ATP12A: variants seen among roughly 807,000 people sequenced by gnomAD.
ATP12A encodes the protein ATPase H+/K+ transporting non-gastric alpha2 subunit, also known as potassium-transporting ATPase alpha chain 2.
ATP12A carries 81 observed loss-of-function variants against 111.2 expected under a neutral mutation model. That is an observed-to-expected ratio of 0.73 (90% confidence interval 0.61 to 0.88). The LOEUF is 0.88. ATP12A is among the 40% of genes least tolerant of loss of function. The probability of loss-of-function intolerance (pLI) is 0.00; values close to 1 mark genes in which losing one functional copy is unlikely to be tolerated. For missense variants in ATP12A, 1,196 were observed against 1,313.1 expected, an observed-to-expected ratio of 0.91 and a Z score of 1.38; for synonymous variants, 498 against 499.8, an observed-to-expected ratio of 1.00 and a Z score of 0.05.
intron 19 of ATP12A, 101 bp downstream of exon 19, chr13:24,709,929 G>T: frequency 6.6e-7 from 1 of 1,522,770 alleles, no homozygotes. Flanking sequence ...AACAGCCTGG[G>T]AAAGCTTCAA....
chr13:24,711,340 G>T lies in ATP12A; in HGVS notation c.3022G>T (p.Val1008Leu), dbSNP rs1405550429. The change falls in exon 22 of 23, where the codon GTG becomes TTG. Residue 1008 changes from valine to leucine, a missense_variant. By Grantham distance (32) the Val-to-Leu change is conservative. Coordinates refer to ENST00000381946, the MANE Select transcript of ATP12A (RefSeq NM_001676.7). ...MLRAQYWFVA[V>L]PHAILIWVYD... Reference sequence around the variant, plus strand: ...CAGGGCTCAGTACTGGTTTGTGGCTGTGCCGCACGCCATCCTGATCTGGGT... The same window carrying T: ...CAGGGCTCAGTACTGGTTTGTGGCTTTGCCGCACGCCATCCTGATCTGGGT... 1.2e-6 allele frequency: 2 copies of T among 1,604,912 alleles called. No homozygotes were observed. Among genetic ancestry groups the T allele is most frequent in the East Asian group, 2.2e-5 (1 of 44,794 alleles).
In ATP12A at chr13:24,711,339, T is replaced by C; in HGVS notation, c.3021T>C (p.Ala1007=). 1 of 1,604,672 alleles carries C rather than the reference T, an allele frequency of 6.2e-7. No homozygotes were observed. The highest frequency in any genetic ancestry group is 8.5e-7 in the Non-Finnish European group (1 of 1,175,122). Residue 1007 remains alanine (A), a synonymous_variant, in exon 22 of 23, where the codon GCT becomes GCC. Transcript: ENST00000381946. The part of the protein sequence containing the change: ...TMLRAQYWFV[A]VPHAILIWVY... ...CCAGGGCTCAGTACTGGTTTGTGGC[T>C]GTGCCGCACGCCATCCTGATCTGGG...
At chr13:24,711,261 G>C in intron 21 of ATP12A, 57 bp from the exon 22 acceptor site, 1 of 1,495,158 alleles carries the variant, frequency 6.7e-7, no homozygotes, top group Non-Finnish European at 9.1e-7. Context: ...CCATTGGGCA[G>C]GGTTGGGCTA....
chr13:24,693,408 G>A (rs760402402), intron 10 of ATP12A, among the ~76,000 whole-genome samples: 5 of 151,648 alleles, frequency 3.3e-5, no homozygotes, highest in Non-Finnish European at 5.9e-5. Flanking sequence ...CTGTTCTCCT[G>A]GCTTTTCTAT....
intron 5 of ATP12A, 129 bp from the exon 6 acceptor site, chr13:24,690,209 A>C: frequency 1.4e-6 from 2 of 1,410,384 alleles, no homozygotes; most frequent in Non-Finnish European, 9.6e-7. Flanking sequence ...GCATAACAGC[A>C]TGGACTCAAC....
At chr13:24,689,513 T>C (rs1165659887) in intron 5 of ATP12A, 138 bp downstream of exon 5, 2 of 714,894 alleles carry the variant, frequency 2.8e-6, no homozygotes, top group East Asian at 5.2e-5. Flanking sequence ...AATTAACCCA[T>C]CTGTCAGAAC....
At position 24,709,695 on chromosome 13, in the gene ATP12A, C is replaced by T; in HGVS notation, c.2630C>T (p.Ala877Val). 6.2e-7 allele frequency: 1 copy of T among 1,614,192 alleles called. No homozygotes were observed. The highest frequency in any genetic ancestry group is 1.3e-5 in the African/African-American group (1 of 75,048). The change falls in exon 19 of 23, where the codon GCC becomes GTC. Residue 877 changes from alanine to valine, a missense_variant. Ala to Val is a moderately conservative substitution (Grantham distance 64). Transcript: ENST00000381946. ...YSYLHIGLMQ[A>V]LGAFLVYFTV... ...CTTGTTCTTTCAGGCCTCATGCAAG[C>T]CCTGGGAGCTTTCCTTGTGTATTTC...
Position 24,709,446 on chromosome 13 carries a change from T to C in ATP12A, c.2576T>C (p.Leu859Pro). Residue 859 changes from leucine to proline, a missense_variant, in exon 18 of 23, where the codon CTG (leucine) becomes CCG (proline). Around this residue, in one of 3 missense-constraint regions of ATP12A, gnomAD observed 1,126 missense variants for 1,228.5 expected, o/e 0.92. Transcript: ENST00000381946. ...RKPRHKNKDR[L>P]VNQPLAVYSY... ...CCTCGCCACAAGAATAAGGACAGGC[T>C]GGTGAACCAGCCGCTCGCTGTGTAC... The C allele has an allele frequency of 6.2e-7, 1 of 1,614,036 alleles. No individual in the cohort carries two copies. Among genetic ancestry groups the C allele is most frequent in the Non-Finnish European group, 8.5e-7 (1 of 1,180,026 alleles).
intron 2 of ATP12A, among the ~76,000 whole-genome samples, chr13:24,683,620 C>A (rs1035501833): frequency 1.3e-5 from 2 of 152,316 alleles, no homozygotes; most frequent in Admixed American, 1.3e-4. Flanking sequence ...TCATGAGAGA[C>A]ATTTAAGAAC....
Position 24,706,830 on chromosome 13 carries a change from C to T in ATP12A, c.2170-193C>T, listed in dbSNP as rs74337216. On this transcript the variant is annotated intron_variant, in intron 15 of 22. Coordinates refer to ENST00000381946, the MANE Select transcript of ATP12A (RefSeq NM_001676.7). Reference sequence around the variant, plus strand: ...GCGCATTAGGTTTTCCTCATTTGCACGTATCTTGTTTGGAGACCCTTGTTC... The same window carrying T: ...GCGCATTAGGTTTTCCTCATTTGCATGTATCTTGTTTGGAGACCCTTGTTC... Among the ~76,000 whole-genome samples, 752 of 152,316 alleles carry T rather than the reference C, an allele frequency of 4.9e-3. 3 individuals carry two copies. The highest frequency in any genetic ancestry group is 0.016 in the African/African-American group (664 of 41,566).
intron 17 of ATP12A, among the ~76,000 whole-genome samples, chr13:24,708,838 AAG>A (rs1373846496): frequency 6.7e-6 from 1 of 149,454 alleles, no homozygotes; most frequent in Non-Finnish European, 1.5e-5. Flanking sequence ...GAGAGAAAGA[AAG>A]AGAGAAAGAG....
Position 24,704,715 on chromosome 13 carries a change from C to T in ATP12A, c.2019-1598C>T, listed in dbSNP as rs545464657. 1.3e-3 allele frequency: 317 copies of T among 241,302 alleles called. 3 individuals carry two copies. Among genetic ancestry groups the T allele is most frequent in the African/African-American group, 7.1e-3 (306 of 43,306 alleles). 14.9% of individuals were successfully genotyped at this position (241,302 alleles called of 1,614,324 possible). On this transcript the variant is annotated intron_variant, in intron 14 of 22. Coordinates refer to ENST00000381946, the MANE Select transcript of ATP12A (RefSeq NM_001676.7). ...ACGAGAGAAAGACATAATCTTCCTA[C>T]GAATGTGGGAAGGTGCATTGAAATG...
chr13:24,698,558 C>T, intron 11 of ATP12A, 100 bp from the exon 12 acceptor site: 1 of 1,263,524 alleles, frequency 7.9e-7, no homozygotes, highest in South Asian at 1.4e-5. Context: ...GCTGAGGATG[C>T]CATTGTGCCT....
At chr13:24,698,984 A>G in intron 12 of ATP12A, 134 bp downstream of exon 12, 1 of 1,162,498 alleles carries the variant, frequency 8.6e-7, no homozygotes, top group Non-Finnish European at 1.2e-6. Flanking sequence ...GATAAGCAGG[A>G]TGGGAACAAG....
At chr13:24,680,888 T>C in intron 1 of ATP12A, 136 bp downstream of exon 1, 1 of 1,331,568 alleles carries the variant, frequency 7.5e-7, no homozygotes, top group Non-Finnish European at 9.6e-7. Flanking sequence ...AGGCCGCCTT[T>C]CCTCTGAGCG....
rs974575006 is a variant in ATP12A at position 24,710,821 on chromosome 13, C to T, written c.2927C>T (p.Ser976Leu). ...AAAGTCATCTGGGTGGGGATCACCT[C>T]ACAGATCATCATTGGTCTGATCCTC... ...RNKVIWVGIT[S>L]QIIIGLILSY... Residue 976 changes from serine (S) to leucine (L), a missense_variant, in exon 21 of 23, where the codon TCA becomes TTA. By Grantham distance (145) the Ser-to-Leu change is moderately radical. Coordinates refer to ENST00000381946, the MANE Select transcript of ATP12A (RefSeq NM_001676.7). 2 of 1,614,208 alleles carry T rather than the reference C, an allele frequency of 1.2e-6. No homozygotes were observed. The highest frequency in any genetic ancestry group is 3.3e-5 in the Admixed American group (2 of 60,024).
intron 11 of ATP12A, among the ~76,000 whole-genome samples, chr13:24,697,724 G>T (rs1875226860): frequency 6.6e-6 from 1 of 151,442 alleles, no homozygotes; most frequent in African/African-American, 2.4e-5. Context: ...GAGCTGGGAG[G>T]TTTTCTGTTT....
chr13:24,684,234 C>T (rs1265859220), intron 2 of ATP12A, among the ~76,000 whole-genome samples: 1 of 152,188 alleles, frequency 6.6e-6, no homozygotes, highest in East Asian at 1.9e-4. Context: ...AGCAATATCA[C>T]ACTCAATCAG....
intron 14 of ATP12A, among the ~76,000 whole-genome samples, chr13:24,706,104 A>G (rs1398939624): frequency 1.3e-5 from 2 of 152,188 alleles, no homozygotes; most frequent in African/African-American, 4.8e-5. Context: ...GGTACCAAGA[A>G]ATGGTGTTAT....
Sources: gnomAD v4.1 joint callset for allele counts (sites outside exome capture counted in the v4.1 genomes callset) on GRCh38, gnomAD v4.1.1 for gene constraint, gnomAD v4.1.1 regional missense constraint, MANE v1.5 for transcripts, NCBI Gene and HGNC (gene_info 2026-07-23, HGNC 2026-07-21) for gene names.